Variants in ZNF10 observed in about 807,000 individuals in gnomAD.
ZNF10 encodes the protein zinc finger protein 10, also known as zinc finger protein 10 (KOX 1).
ZNF10 carries 8 observed loss-of-function variants against 12.2 expected under a neutral mutation model. The observed-to-expected ratio is 0.66, with a 90% CI of 0.39 to 1.18. ZNF10 has a LOEUF of 1.18. ZNF10 is among the 50% of genes most tolerant of loss of function. ZNF10 has a pLI of 0.01. For missense variants in ZNF10, 603 were observed against 678.9 expected (o/e 0.89, Z 1.24); for synonymous variants, 229 against 228.2 (o/e 1.00, Z -0.03).
At chr12:133,148,750 G>GC (rs201972025) in intron 2 of ZNF10, among the ~76,000 whole-genome samples, 1 of 137,408 alleles carries the variant, frequency 7.3e-6, no homozygotes, top group Non-Finnish European at 1.6e-5. Flanking sequence ...ATTCAATGTT[G>GC]GTTTTTTTTT....
At chr12:133,155,277 G>A (rs1409255603) in intron 4 of ZNF10, among the ~76,000 whole-genome samples, 2 of 152,094 alleles carry the variant, frequency 1.3e-5, no homozygotes, top group African/African-American at 4.8e-5. Context: ...GTGTCATGCT[G>A]TGTCCTGTGG....
intron 1 of ZNF10, among the ~76,000 whole-genome samples, chr12:133,135,302 T>G (rs1222212815): frequency 6.6e-6 from 1 of 152,170 alleles, no homozygotes; most frequent in East Asian, 1.9e-4. Context: ...AATAGTAAGT[T>G]GGGCTCCAAA....
At chr12:133,140,777 A>T in intron 1 of ZNF10, among the ~76,000 whole-genome samples, 1 of 151,890 alleles carries the variant, frequency 6.6e-6, no homozygotes, top group East Asian at 1.9e-4. Flanking sequence ...TTGTTCCTGT[A>T]TATTGTTTGC....
At chr12:133,152,840 T>C (rs915349183) in intron 4 of ZNF10, among the ~76,000 whole-genome samples, 2 of 152,228 alleles carry the variant, frequency 1.3e-5, no homozygotes, top group Non-Finnish European at 2.9e-5. Flanking sequence ...CCTCAAGTTC[T>C]TTCCCATGAA....
intron 1 of ZNF10, among the ~76,000 whole-genome samples, chr12:133,143,037 A>G (rs1202789372): frequency 1.3e-5 from 2 of 152,232 alleles, no homozygotes; most frequent in Non-Finnish European, 2.9e-5. Flanking sequence ...GATACATGTT[A>G]AAACATAGAT....
intron 1 of ZNF10, among the ~76,000 whole-genome samples, chr12:133,133,094 T>C (rs894464919): frequency 6.6e-6 from 1 of 152,234 alleles, no homozygotes; most frequent in South Asian, 2.1e-4. Flanking sequence ...TTACATAACA[T>C]GAAAAGCGCA....
At chr12:133,138,650 G>A (rs1006030098) in intron 1 of ZNF10, among the ~76,000 whole-genome samples, 1 of 152,172 alleles carries the variant, frequency 6.6e-6, no homozygotes, top group Non-Finnish European at 1.5e-5. Context: ...GTGCAAATGT[G>A]TGAAAACTAT....
At position 133,158,553 on chromosome 12, in the gene ZNF10, A is replaced by ATACC. The variant is rs1956055629; in HGVS notation, c.*1585_*1586insTACC. 1 of 152,240 alleles carries ATACC rather than the reference A, an allele frequency of 6.6e-6. No individual in the cohort carries two copies. Among genetic ancestry groups the ATACC allele is most frequent in the Admixed American group, 6.5e-5 (1 of 15,286 alleles). 9.4% of individuals were successfully genotyped at this position (152,240 alleles called of 1,614,324 possible). On this transcript the variant is annotated 3_prime_UTR_variant, in exon 5 of 5. Coordinates refer to ENST00000248211, the MANE Select transcript of ZNF10 (RefSeq NM_015394.5). ...GATCCCAGTCTTCAGATTCTCTGGTAAGTTAATAACCCACAAAAGATTCAG... is the reference window on the plus strand; with the variant it reads ...GATCCCAGTCTTCAGATTCTCTGGTATACCAGTTAATAACCCACAAAAGATTCAG...
At chr12:133,139,535 G>A (rs1244333547) in intron 1 of ZNF10, among the ~76,000 whole-genome samples, 2 of 152,116 alleles carry the variant, frequency 1.3e-5, no homozygotes, top group Admixed American at 6.6e-5. Flanking sequence ...TTTAAACAGG[G>A]AGTGAAACTT....
At chr12:133,151,936 C>T in intron 4 of ZNF10, 32 bp downstream of exon 4, 2 of 1,575,208 alleles carry the variant, frequency 1.3e-6, no homozygotes, top group African/African-American at 1.3e-5. Context: ...TCATAGGCAG[C>T]AGCCCAGATG....
intron 1 of ZNF10, among the ~76,000 whole-genome samples, chr12:133,131,770 G>A (rs1420313722): frequency 6.6e-6 from 1 of 152,240 alleles, no homozygotes; most frequent in East Asian, 1.9e-4. Flanking sequence ...CTCTCAGCAT[G>A]CATTTCTTTA....
At chr12:133,144,571 G>A in intron 2 of ZNF10, 46 bp downstream of exon 2, 1 of 1,583,672 alleles carries the variant, frequency 6.3e-7, no homozygotes, top group Non-Finnish European at 8.6e-7. Flanking sequence ...ATTCCTTTTT[G>A]CTTTAGTTCC....
intron 2 of ZNF10, among the ~76,000 whole-genome samples, chr12:133,146,260 T>G (rs1955975347): frequency 6.6e-6 from 1 of 152,190 alleles, no homozygotes; most frequent in Admixed American, 6.5e-5. Context: ...ACCACTGCAC[T>G]GGGGCAACTT....
At chr12:133,132,963 TATTTTTAA>T (rs1955889353) in intron 1 of ZNF10, among the ~76,000 whole-genome samples, 1 of 150,432 alleles carries the variant, frequency 6.6e-6, no homozygotes, top group Non-Finnish European at 1.5e-5. Context: ...CAGTTCATTG[TATTTTTAA>T]ATTTTTTTCA....
chr12:133,156,684 C>T lies in ZNF10; in HGVS notation c.1438C>T (p.Gln480Ter), dbSNP rs1247860454. Residue 480 changes from glutamine (Q) to a stop codon, truncating the protein, a stop_gained, in exon 5 of 5, where the codon CAG (glutamine) becomes TAG (stop). Transcript: ENST00000248211. LOFTEE classifies it low-confidence loss of function (END_TRUNC). The stretch of plus-strand genomic sequence containing the variant: ...CCAGAGTTCTGCCCTTATTGTGCAT[C>T]AGAGGATACACACTGGAGAGAAACC... ...FSQSSALIVHQRIHTGEKPYE... is the reference protein window; with the variant it reads ...FSQSSALIVH 1.9e-6 allele frequency: 3 copies of T among 1,614,126 alleles called. No homozygotes were observed. The highest frequency in any genetic ancestry group is 2.5e-6 in the Non-Finnish European group (3 of 1,180,004).
chr12:133,135,916 G>A (rs574394918), intron 1 of ZNF10, among the ~76,000 whole-genome samples: 17 of 152,292 alleles, frequency 1.1e-4, no homozygotes, highest in Middle Eastern at 3.4e-3. Context: ...CATACTCTCC[G>A]TAACCTCAGC....
chr12:133,138,629 G>A (rs529068794), intron 1 of ZNF10, among the ~76,000 whole-genome samples: 2 of 152,196 alleles, frequency 1.3e-5, no homozygotes, highest in South Asian at 2.1e-4. Context: ...ATATTATTCC[G>A]AGGATAGGAT....
In ZNF10 at chr12:133,156,072, T is replaced by C. The variant is rs759249313; in HGVS notation, c.826T>C (p.Trp276Arg). 1 of 1,613,418 alleles carries C rather than the reference T, an allele frequency of 6.2e-7. No homozygotes were observed. Among genetic ancestry groups the C allele is most frequent in the South Asian group, 1.1e-5 (1 of 91,060 alleles). The change falls in exon 5 of 5, where the codon TGG becomes CGG. Residue 276 changes from tryptophan (W) to arginine (R), a missense_variant. Transcript: ENST00000248211. ...ECKECGKFFSWRSNLTRHQLI... is the reference protein window; with the variant it reads ...ECKECGKFFSRRSNLTRHQLI... ...TAAGGAATGTGGAAAATTCTTCAGC[T>C]GGCGCTCTAATCTTACTAGGCATCA...
intron 1 of ZNF10, among the ~76,000 whole-genome samples, chr12:133,136,890 G>T (rs1955915326): frequency 6.6e-6 from 1 of 152,178 alleles, no homozygotes; most frequent in African/African-American, 2.4e-5. Context: ...GAAGGCAGAT[G>T]ATGTACATCT....
Sources: gnomAD v4.1 joint callset for allele counts (sites outside exome capture counted in the v4.1 genomes callset) on GRCh38, gnomAD v4.1.1 for gene constraint, MANE v1.5 for transcripts, NCBI Gene and HGNC (gene_info 2026-07-23, HGNC 2026-07-21) for gene names.